Variants in ARHGAP26 observed in about 807,000 individuals in gnomAD.
ARHGAP26 encodes the protein rho GTPase-activating protein 26.
ARHGAP26 carries 38 observed loss-of-function variants against 104.8 expected under a neutral mutation model. The observed-to-expected ratio is 0.36, with a 90% CI of 0.28 to 0.48. The LOEUF (loss-of-function observed/expected upper bound fraction) is 0.48, where lower values mean the gene tolerates loss of function less well. Ranked by LOEUF, ARHGAP26 falls within the 20% of genes least tolerant of loss-of-function variation. ARHGAP26 has a pLI of 0.99. For missense variants in ARHGAP26, 704 were observed against 947.9 expected (o/e 0.74, Z 3.38); for synonymous variants, 341 against 340.0 (o/e 1.00, Z -0.03).
chr5:143,167,349 G>T (rs944854367), intron 20 of ARHGAP26, among the ~76,000 whole-genome samples: 1 of 148,828 alleles, frequency 6.7e-6, no homozygotes, highest in African/African-American at 2.5e-5. Flanking sequence ...GGGCCTGATG[G>T]CATGCGCCTG....
chr5:142,969,205 T>G (rs1474150183), intron 11 of ARHGAP26: 1 of 152,262 alleles, frequency 6.6e-6, no homozygotes, highest in Admixed American at 6.5e-5. Context: ...CCTACCAAAG[T>G]GCTGGGATAA....
intron 14 of ARHGAP26, among the ~76,000 whole-genome samples, chr5:143,048,774 C>T (rs535400847): frequency 2.6e-5 from 4 of 151,466 alleles, no homozygotes; most frequent in South Asian, 2.1e-4. Context: ...ATTAGCCAGG[C>T]GTGGTGGTGC....
intron 20 of ARHGAP26, among the ~76,000 whole-genome samples, chr5:143,191,663 G>A (rs926589372): frequency 6.6e-6 from 1 of 152,126 alleles, no homozygotes; most frequent in Non-Finnish European, 1.5e-5. Flanking sequence ...TGTGACAAAC[G>A]TCATGAAGGT....
intron 6 of ARHGAP26, among the ~76,000 whole-genome samples, chr5:142,900,630 T>G (rs1760184128): frequency 6.6e-6 from 1 of 151,852 alleles, no homozygotes; most frequent in Non-Finnish European, 1.5e-5. Context: ...GGGATGAGAT[T>G]CCTTTACCGT....
intron 11 of ARHGAP26, among the ~76,000 whole-genome samples, chr5:143,008,195 T>C (rs1312090806): frequency 1.3e-5 from 2 of 152,200 alleles, no homozygotes; most frequent in African/African-American, 4.8e-5. Flanking sequence ...ATTACAACAA[T>C]CCTAAGTGGT....
chr5:142,989,470 T>C (rs1775274049), intron 11 of ARHGAP26, among the ~76,000 whole-genome samples: 1 of 152,216 alleles, frequency 6.6e-6, no homozygotes, highest in South Asian at 2.1e-4. Flanking sequence ...ATTTAGCCCA[T>C]TTACATTTAA....
At chr5:143,034,373 A>G (rs1782318332) in intron 12 of ARHGAP26, among the ~76,000 whole-genome samples, 2 of 152,236 alleles carry the variant, frequency 1.3e-5, no homozygotes, top group South Asian at 4.1e-4. Flanking sequence ...ATGAATGGAT[A>G]AATAAAATGT....
chr5:142,927,526 T>G (rs950454026), intron 10 of ARHGAP26, among the ~76,000 whole-genome samples: 1 of 152,210 alleles, frequency 6.6e-6, no homozygotes, highest in Non-Finnish European at 1.5e-5. Context: ...AAAAAATTGT[T>G]GTATGGTATG....
At chr5:142,928,718 A>C (rs1015784060) in intron 10 of ARHGAP26, among the ~76,000 whole-genome samples, 1 of 152,202 alleles carries the variant, frequency 6.6e-6, no homozygotes, top group African/African-American at 2.4e-5. Flanking sequence ...ATAAGAATAT[A>C]CTTTTCTCAT....
chr5:142,792,451 A>G (rs1310369009), intron 1 of ARHGAP26, among the ~76,000 whole-genome samples: 1 of 152,154 alleles, frequency 6.6e-6, no homozygotes, highest in Non-Finnish European at 1.5e-5. Context: ...AGGGAGAGAG[A>G]AGGAACAGCA....
rs114353172 is a variant in ARHGAP26 at position 142,931,335 on chromosome 5, G to A, written c.1029-712G>A. 6.9e-3 allele frequency among the ~76,000 whole-genome samples: 1,051 copies of A among 152,210 alleles called. 14 individuals carry two copies. Among genetic ancestry groups the A allele is most frequent in the African/African-American group, 0.024 (1,003 of 41,538 alleles). ...TTATGGCGCAGTCTCTTTTTCTTGC[G>A]GAGTACCATTTGTGATGGGAACTGA... On this transcript the variant is annotated intron_variant, in intron 10 of 22. Transcript: ENST00000645722.
chr5:142,988,409 C>G (rs1224916603), intron 11 of ARHGAP26, among the ~76,000 whole-genome samples: 1 of 152,010 alleles, frequency 6.6e-6, no homozygotes, highest in African/African-American at 2.4e-5. Context: ...TGCTAGTGGT[C>G]TATCAAGTTT....
chr5:142,816,786 A>G (rs761133053), intron 1 of ARHGAP26, among the ~76,000 whole-genome samples: 1 of 152,184 alleles, frequency 6.6e-6, no homozygotes, highest in Non-Finnish European at 1.5e-5. Flanking sequence ...TTCGGAGGAA[A>G]AGATAGGGGG....
intron 1 of ARHGAP26, among the ~76,000 whole-genome samples, chr5:142,859,059 G>C (rs1160778800): frequency 6.6e-6 from 1 of 152,178 alleles, no homozygotes; most frequent in African/African-American, 2.4e-5. Flanking sequence ...GTAGACCTTG[G>C]TTGGATTTAT....
At chr5:142,924,837 C>T (rs1763687842) in intron 10 of ARHGAP26, among the ~76,000 whole-genome samples, 1 of 152,142 alleles carries the variant, frequency 6.6e-6, no homozygotes, top group African/African-American at 2.4e-5. Flanking sequence ...GGGAAGTAGC[C>T]CAAGTTCCTC....
At chr5:143,167,681 A>G (rs1424888797) in intron 20 of ARHGAP26, among the ~76,000 whole-genome samples, 5 of 152,060 alleles carry the variant, frequency 3.3e-5, no homozygotes, top group South Asian at 2.1e-4. Flanking sequence ...GCCAACCATA[A>G]TATTTTCATG....
chr5:142,939,212 G>C (rs37221), intron 11 of ARHGAP26, among the ~76,000 whole-genome samples: 32,635 of 152,056 alleles, frequency 0.21, 3,925 homozygotes, highest in East Asian at 0.47. Context: ...TTAGCTTCCA[G>C]TTCTGTGCTA....
At chr5:143,122,016 T>C (rs1796199060) in intron 18 of ARHGAP26, among the ~76,000 whole-genome samples, 1 of 152,208 alleles carries the variant, frequency 6.6e-6, no homozygotes, top group Non-Finnish European at 1.5e-5. Context: ...ACACTGATAA[T>C]GTTGTAAGCC....
At chr5:142,906,712 C>T (rs1761155047) in intron 8 of ARHGAP26, among the ~76,000 whole-genome samples, 1 of 152,186 alleles carries the variant, frequency 6.6e-6, no homozygotes, top group Non-Finnish European at 1.5e-5. Flanking sequence ...TGTAAGAATA[C>T]ACTAAGATGG....
Sources: allele counts gnomAD v4.1 joint callset (sites outside exome capture counted in the v4.1 genomes callset), GRCh38; gene constraint gnomAD v4.1.1; transcripts MANE v1.5; gene names NCBI Gene and HGNC (gene_info 2026-07-23, HGNC 2026-07-21).